The following SLC2A3 variants were observed in gnomAD, a reference collection of about 807,000 sequenced individuals.
The protein encoded by SLC2A3 is solute carrier family 2 member 3.
Under a neutral mutation model 46.4 loss-of-function variants are expected in SLC2A3, and 21 were observed. The observed-to-expected ratio is 0.45, with a 90% confidence interval of 0.32 to 0.65. The LOEUF (loss-of-function observed/expected upper bound fraction) is 0.65. Among genes scored for constraint, SLC2A3 ranks in the 30% least tolerant of loss-of-function variants. The probability of loss-of-function intolerance (pLI) is 0.04; values close to 1 mark genes in which losing one functional copy is unlikely to be tolerated. For missense variants in SLC2A3, 499 were observed against 623.3 expected (o/e 0.80, Z 2.12); for synonymous variants, 213 against 239.4 (o/e 0.89, Z 1.02).
At chr12:7,926,564 C>CTA (rs747541534) in intron 6 of SLC2A3, among the ~76,000 whole-genome samples, 3 of 152,070 alleles carry the variant, frequency 2.0e-5, no homozygotes, top group African/African-American at 7.2e-5. Flanking sequence ...CAGCAACTCA[C>CTA]TGTTGCCCAG....
At chr12:7,932,800 G>T in intron 3 of SLC2A3, 187 bp downstream of exon 3, 1 of 749,468 alleles carries the variant, frequency 1.3e-6, no homozygotes, top group Non-Finnish European at 2.1e-6. Flanking sequence ...CTGGGTGGGA[G>T]CTCTCCAGGG....
At chr12:7,929,661 T>C in intron 6 of SLC2A3, 23 bp downstream of exon 6, 1 of 1,612,390 alleles carries the variant, frequency 6.2e-7, no homozygotes, top group Non-Finnish European at 8.5e-7. Context: ...AAGACACGTT[T>C]GACCCTAAAG....
At chr12:7,933,360 CACAGTCT>C in intron 2 of SLC2A3, 1 of 653,504 alleles carries the variant, frequency 1.5e-6, no homozygotes, top group Non-Finnish European at 2.6e-6. Context: ...CACCGATGTT[CACAGTCT>C]ACCCCAGCCC....
intron 3 of SLC2A3, 31 bp downstream of exon 3, chr12:7,932,956 C>A: frequency 3.7e-6 from 6 of 1,611,934 alleles, no homozygotes; most frequent in Non-Finnish European, 4.2e-6. Flanking sequence ...GCTGGTAGAG[C>A]CCACTTCCTT....
intron 1 of SLC2A3, 140 bp downstream of exon 1, chr12:7,935,880 C>A: frequency 4.0e-6 from 3 of 752,788 alleles, no homozygotes; most frequent in Non-Finnish European, 7.2e-6. Flanking sequence ...GGCAGCAGTG[C>A]AGGCTAGAGA....
chr12:7,932,081 C>T (rs1436482418), intron 3 of SLC2A3, among the ~76,000 whole-genome samples: 6 of 151,658 alleles, frequency 4.0e-5, no homozygotes, highest in African/African-American at 9.7e-5. Flanking sequence ...AGGGTTTCAC[C>T]GTGTTAGCCA....
At chr12:7,926,025 A>G (rs1946091572) in intron 6 of SLC2A3, 77 bp from the exon 7 acceptor site, 1 of 1,230,698 alleles carries the variant, frequency 8.1e-7, no homozygotes, top group Non-Finnish European at 1.2e-6. Flanking sequence ...ATAAACTTAA[A>G]AGTCCCAGTG....
chr12:7,930,968 TTG>T (rs975536090), intron 4 of SLC2A3, among the ~76,000 whole-genome samples: 12 of 151,858 alleles, frequency 7.9e-5, no homozygotes, highest in African/African-American at 2.9e-4. Context: ...GACCAATTTT[TTG>T]TGTTTTTAGT....
chr12:7,927,366 C>CATAA (rs1946106533), intron 6 of SLC2A3, among the ~76,000 whole-genome samples: 1 of 152,088 alleles, frequency 6.6e-6, no homozygotes, highest in African/African-American at 2.4e-5. Context: ...TTTTCCTTAA[C>CATAA]ATAATGTCTA....
rs1946011677 is a variant in SLC2A3, at chr12:7,919,271, AG to A, written c.*2141del. ...TTTTTATTTTAAAACAAAGAACCAG[AG>A]TAACAATAGAAAATCCATATGGAAA... On this transcript the variant is annotated 3_prime_UTR_variant, in exon 10 of 10. Transcript: ENST00000075120. 6.6e-6 allele frequency: 1 copy of A among 152,476 alleles called. No individual in the cohort carries two copies. The highest frequency in any genetic ancestry group is 6.6e-5 in the Admixed American group (1 of 15,266). 9.4% of individuals were successfully genotyped at this position (152,476 alleles called of 1,614,324 possible). A position where few individuals can be genotyped will look rare whatever the true frequency, so the allele number is the denominator to read the frequency against.
rs192530904 is a variant in SLC2A3, at chr12:7,934,752, G to C, written c.16-850C>G. 4.1e-3 allele frequency among the ~76,000 whole-genome samples: 618 copies of C among 151,670 alleles called. 5 individuals carry two copies. The South Asian group carries it at 0.045, about 11-fold the overall frequency. On this transcript the variant is annotated intron_variant, in intron 1 of 9. Coordinates refer to ENST00000075120, the MANE Select transcript of SLC2A3 (RefSeq NM_006931.3). ...TCTTAAACTCCTTTCCTTTCAGGTC[G>C]GGCAGATTAGGCAGCAGGCTGGGAG...
In SLC2A3 at chr12:7,920,300, C is replaced by G. The variant is rs1946022169; in HGVS notation, c.*1113G>C. 1 of 151,964 alleles carries G rather than the reference C, an allele frequency of 6.6e-6. No individual in the cohort carries two copies. Among genetic ancestry groups the G allele is most frequent in the South Asian group, 2.1e-4 (1 of 4,816 alleles). 9.4% of individuals were successfully genotyped at this position (151,964 alleles called of 1,614,324 possible). On this transcript the variant is annotated 3_prime_UTR_variant, in exon 10 of 10. Transcript: ENST00000075120. ...ACCAAGAACCAATTATTTTAGGTTT[C>G]TTATTTGGATGGCTCTCCCACGAGA...
At chr12:7,928,610 G>A (rs1946119271) in intron 6 of SLC2A3, among the ~76,000 whole-genome samples, 1 of 151,812 alleles carries the variant, frequency 6.6e-6, no homozygotes, top group Non-Finnish European at 1.5e-5. Context: ...ACTAACGCAA[G>A]GTACATTCTT....
chr12:7,927,356 T>C (rs1310007906), intron 6 of SLC2A3, among the ~76,000 whole-genome samples: 1 of 152,134 alleles, frequency 6.6e-6, no homozygotes, highest in Non-Finnish European at 1.5e-5. Context: ...ATGCCAATTC[T>C]TTTCCTTAAC....
intron 6 of SLC2A3, among the ~76,000 whole-genome samples, chr12:7,927,187 G>T (rs999155602): frequency 1.3e-5 from 2 of 152,068 alleles, no homozygotes; most frequent in Admixed American, 1.3e-4. Flanking sequence ...TTGAAACTGA[G>T]ATTTGTAGAG....
chr12:7,930,745 G>A (rs1592357401), intron 4 of SLC2A3, 103 bp from the exon 5 acceptor site: 9 of 1,070,268 alleles, frequency 8.4e-6, no homozygotes, highest in East Asian at 3.1e-5. Flanking sequence ...TTTACCATGT[G>A]AAAAAATAAA....
chr12:7,929,140 A>T (rs1805888629), intron 6 of SLC2A3, among the ~76,000 whole-genome samples: 1 of 152,084 alleles, frequency 6.6e-6, no homozygotes, highest in Admixed American at 6.6e-5. Flanking sequence ...ATTTAATCCC[A>T]TTGATCAAAG....
At chr12:7,935,112 AC>A (rs3831762) in intron 1 of SLC2A3, among the ~76,000 whole-genome samples, 6,106 of 152,132 alleles carry the variant, frequency 0.04, 344 homozygotes, top group African/African-American at 0.12. Flanking sequence ...TATAGGTGTG[AC>A]CCACCACACC....
At position 7,921,518 on chromosome 12, in the gene SLC2A3, T is replaced by G. The variant is rs748889905; in HGVS notation, c.1386A>C (p.Thr462=). 6.4e-5 allele frequency: 104 copies of G among 1,613,684 alleles called. 1 individual carries two copies. Among genetic ancestry groups the G allele is most frequent in the Non-Finnish European group, 8.6e-5 (101 of 1,179,852 alleles). Residue 462 remains threonine, a synonymous_variant, in exon 10 of 10, where the codon ACA becomes ACC. Coordinates refer to ENST00000075120, the MANE Select transcript of SLC2A3 (RefSeq NM_006931.3). ...CGTGTGCCTGCCCTTCAAAGGCCCGTGTGATATCCTCAAAAGTCCTGCCAC... is the reference window on the plus strand; with the variant it reads ...CGTGTGCCTGCCCTTCAAAGGCCCGGGTGATATCCTCAAAAGTCCTGCCAC... ...ETRGRTFEDI[T]RAFEGQAHGA... is the part of the protein sequence containing the mutation.
Sources: allele counts gnomAD v4.1 joint callset (sites outside exome capture counted in the v4.1 genomes callset), GRCh38; gene constraint gnomAD v4.1.1; transcripts MANE v1.5; gene names NCBI Gene and HGNC (gene_info 2026-07-23, HGNC 2026-07-21).